DPYSL2: variants seen among roughly 807,000 people sequenced by gnomAD.
DPYSL2 encodes the protein dihydropyrimidinase like 2.
Under a neutral mutation model 69.9 loss-of-function variants are expected in DPYSL2, and 13 were observed. The observed-to-expected ratio is 0.19, with a 90% CI of 0.12 to 0.30. The LOEUF is 0.30. Among genes scored for constraint, DPYSL2 ranks in the 10% least tolerant of loss-of-function variants. The pLI is 1.00. For synonymous variants in DPYSL2, 326 were observed against 359.1 expected (o/e 0.91, Z 1.04); for missense variants, 587 against 918.9 (o/e 0.64, Z 4.67).
chr8:26,557,973 A>T (rs916184337), intron 1 of DPYSL2, among the ~76,000 whole-genome samples: 1 of 151,106 alleles, frequency 6.6e-6, no homozygotes, highest in African/African-American at 2.4e-5. Context: ...AGCAACAGGA[A>T]CTCTCATTCA....
At chr8:26,542,129 A>AT in intron 1 of DPYSL2, among the ~76,000 whole-genome samples, 1 of 152,226 alleles carries the variant, frequency 6.6e-6, no homozygotes, top group East Asian at 1.9e-4. Flanking sequence ...CTACAAAAAA[A>AT]TTTTAAAAAT....
chr8:26,592,047 A>C (rs1224234626), intron 3 of DPYSL2, among the ~76,000 whole-genome samples: 1 of 152,220 alleles, frequency 6.6e-6, no homozygotes, highest in Non-Finnish European at 1.5e-5. Flanking sequence ...ACCAGGGTAG[A>C]GCACCTGTTT....
chr8:26,518,241 C>G (rs187731934), intron 1 of DPYSL2, among the ~76,000 whole-genome samples: 29 of 152,126 alleles, frequency 1.9e-4, no homozygotes, highest in African/African-American at 7.0e-4. Context: ...TACCTTGATA[C>G]TTTACAGGTC....
At chr8:26,602,200 G>C (rs1802009729) in intron 3 of DPYSL2, among the ~76,000 whole-genome samples, 1 of 145,596 alleles carries the variant, frequency 6.9e-6, no homozygotes. Context: ...GAGCGTATTA[G>C]ATAATATTAT....
At chr8:26,592,397 C>T (rs960935339) in intron 3 of DPYSL2, among the ~76,000 whole-genome samples, 2 of 152,060 alleles carry the variant, frequency 1.3e-5, no homozygotes, top group Non-Finnish European at 2.9e-5. Context: ...CGTTGATCCT[C>T]CTGCCTTGGC....
At chr8:26,577,992 CTT>C (rs760218148) in intron 1 of DPYSL2, 1 of 1,252,526 alleles carries the variant, frequency 8.0e-7, no homozygotes, top group Non-Finnish European at 1.0e-6. Context: ...TCTCTCTCTC[CTT>C]CTCTCTCTCT....
At chr8:26,544,243 A>T (rs1231957180) in intron 1 of DPYSL2, among the ~76,000 whole-genome samples, 3 of 152,214 alleles carry the variant, frequency 2.0e-5, no homozygotes, top group Non-Finnish European at 2.9e-5. Context: ...ATGCATGGAC[A>T]TAAGGGACAG....
chr8:26,608,236 TA>T (rs1162613950), intron 3 of DPYSL2, among the ~76,000 whole-genome samples: 2 of 152,240 alleles, frequency 1.3e-5, no homozygotes, highest in Non-Finnish European at 2.9e-5. Flanking sequence ...GCTACTTTTG[TA>T]AAAAGTGTAT....
rs111686178 is a variant in DPYSL2 at position 26,626,656 on chromosome 8, G to A, written c.833G>A (p.Arg278His). ...CTCGTGTACATGGCTTTCAAAGATC[G>A]CTTCCAGCTAACGGATTGCCAGGTA... ...SFLVYMAFKDRFQLTDCQIYE... is the reference protein window; with the variant it reads ...SFLVYMAFKDHFQLTDCQIYE... Residue 278 changes from arginine (R) to histidine (H), a missense_variant, in exon 5 of 14, where the codon CGC becomes CAC. Physicochemically the swap from Arg to His is conservative, Grantham distance 29. Around this residue, in one of 3 missense-constraint regions of DPYSL2, gnomAD observed 452 missense variants for 754.3 expected, o/e 0.60. Transcript: ENST00000521913. The surrounding 1 kb of genome is among the most constrained non-coding windows in gnomAD (Gnocchi z 4.3). 115 of 1,614,160 alleles carry A rather than the reference G, an allele frequency of 7.1e-5. No homozygotes were observed. In the East Asian group the frequency reaches 2.2e-3, roughly 31 times the overall value.
chr8:26,596,578 G>A (rs945214380), intron 3 of DPYSL2, among the ~76,000 whole-genome samples: 1 of 152,234 alleles, frequency 6.6e-6, no homozygotes, highest in East Asian at 1.9e-4. Flanking sequence ...GGAGTTTGGA[G>A]GGAGCAGATA....
intron 1 of DPYSL2, among the ~76,000 whole-genome samples, chr8:26,529,426 C>T (rs980215968): frequency 2.0e-5 from 3 of 152,108 alleles, no homozygotes; most frequent in African/African-American, 7.2e-5. Context: ...AACTCCTGGG[C>T]TCATGTGATT....
chr8:26,624,138 T>C lies in DPYSL2; in HGVS notation c.629-5T>C, dbSNP rs758794239. 10 of 1,614,146 alleles carry C rather than the reference T, an allele frequency of 6.2e-6. No individual in the cohort carries two copies. The East Asian group carries it at 2.0e-4, about 32-fold the overall frequency. On this transcript the variant is annotated splice_polypyrimidine_tract_variant and splice_region_variant and intron_variant, in intron 3 of 13. Coordinates refer to ENST00000521913, the MANE Select transcript of DPYSL2 (RefSeq NM_001197293.3). The surrounding 1 kb of genome is among the most constrained non-coding windows in gnomAD (Gnocchi z 4.7). ...TGATGATGACATATGTCTGTTTCTTTCTAGTTGACCACGTTGTTCCTGAGC... is the reference window on the plus strand; with the variant it reads ...TGATGATGACATATGTCTGTTTCTTCCTAGTTGACCACGTTGTTCCTGAGC...
chr8:26,634,975 G>C, intron 8 of DPYSL2, 75 bp downstream of exon 8: 1 of 1,583,514 alleles, frequency 6.3e-7, no homozygotes, highest in Non-Finnish European at 8.6e-7. Context: ...ACTAGGGAGG[G>C]CTCCTTTTCC....
At chr8:26,623,952 G>A (rs1306013547) in intron 3 of DPYSL2, 191 bp from the exon 4 acceptor site, 3 of 614,922 alleles carry the variant, frequency 4.9e-6, no homozygotes, top group South Asian at 4.1e-5. Flanking sequence ...CCAATGCCAA[G>A]TTTCTGCTTT....
intron 1 of DPYSL2, among the ~76,000 whole-genome samples, chr8:26,570,283 G>A (rs1431454717): frequency 6.6e-6 from 1 of 152,188 alleles, no homozygotes; most frequent in Non-Finnish European, 1.5e-5. Flanking sequence ...ACTGGGTTAT[G>A]AGGAAAGAAA....
At position 26,618,778 on chromosome 8, in the gene DPYSL2, C is replaced by CA. The variant is rs71216765; in HGVS notation, c.629-5343dup. On this transcript the variant is annotated intron_variant, in intron 3 of 13. Transcript: ENST00000521913. Reference sequence around the variant, plus strand: ...CAACATGGTGAAACCCCATCTCTACCAAAAAAAAAAAAAAAAAAAAAATAC... The same window carrying CA: ...CAACATGGTGAAACCCCATCTCTACCAAAAAAAAAAAAAAAAAAAAAAATAC... Among the ~76,000 whole-genome samples, 295 of 85,082 alleles carry CA rather than the reference C, an allele frequency of 3.5e-3. 2 individuals carry two copies. Among genetic ancestry groups the CA allele is most frequent in the Middle Eastern group, 8.9e-3 (1 of 112 alleles). 55.8% of individuals were successfully genotyped at this position (85,082 alleles called of 152,430 possible).
At chr8:26,524,801 C>CAAAAAAAAAAAA (rs753822230) in intron 1 of DPYSL2, among the ~76,000 whole-genome samples, 3 of 41,086 alleles carry the variant, frequency 7.3e-5, no homozygotes, top group African/African-American at 1.0e-4. Flanking sequence ...GACTCTGTCT[C>CAAAAAAAAAAAA]AAAAAAAAAA....
chr8:26,645,611 G>A (rs923591202), intron 10 of DPYSL2, among the ~76,000 whole-genome samples: 10 of 152,104 alleles, frequency 6.6e-5, no homozygotes, highest in African/African-American at 2.4e-4. Flanking sequence ...GTGCAGTGGT[G>A]CGATCTCAGC....
intron 1 of DPYSL2, among the ~76,000 whole-genome samples, chr8:26,552,155 A>G (rs996426995): frequency 6.6e-6 from 1 of 152,218 alleles, no homozygotes; most frequent in Non-Finnish European, 1.5e-5. Flanking sequence ...CAAGGAAGAC[A>G]TCTCAAAAGA....
Sources: allele counts gnomAD v4.1 joint callset (sites outside exome capture counted in the v4.1 genomes callset), GRCh38; gene constraint gnomAD v4.1.1; regional missense constraint gnomAD v4.1.1; non-coding constraint Gnocchi (gnomAD v3.1); transcripts MANE v1.5; gene names NCBI Gene and HGNC (gene_info 2026-07-23, HGNC 2026-07-21).